TRIO: variants seen among roughly 807,000 people sequenced by gnomAD.
TRIO encodes triple functional domain protein.
In TRIO, 58 loss-of-function variants were observed where a neutral mutation model predicts 351.9. The observed-to-expected ratio is 0.16, with a 90% CI of 0.13 to 0.21. The LOEUF is 0.21. Ranked by LOEUF, TRIO falls within the 10% of genes least tolerant of loss-of-function variation. The pLI is 1.00. For missense variants in TRIO, 3,201 were observed against 4,027.8 expected, an observed-to-expected ratio of 0.79 and a Z score of 5.56; for synonymous variants, 1,758 against 1,595.7, an observed-to-expected ratio of 1.10 and a Z score of -2.42.
At chr5:14,386,961 C>T (rs964870507) in intron 21 of TRIO, among the ~76,000 whole-genome samples, 19 of 152,148 alleles carry the variant, frequency 1.2e-4, no homozygotes, top group African/African-American at 4.1e-4. Context: ...TGGGGACAGC[C>T]GTGGCCACAC....
At chr5:14,334,391 T>C (rs1235813644) in intron 10 of TRIO, among the ~76,000 whole-genome samples, 1 of 152,274 alleles carries the variant, frequency 6.6e-6, no homozygotes, top group East Asian at 1.9e-4. Flanking sequence ...AAAAGGGAAA[T>C]AAATGATGGC....
chr5:14,449,536 A>C (rs1165447065), intron 34 of TRIO, among the ~76,000 whole-genome samples: 1 of 152,244 alleles, frequency 6.6e-6, no homozygotes, highest in Admixed American at 6.5e-5. Context: ...GTCACAAGGC[A>C]GAACAGCTAT....
At chr5:14,489,014 C>T in intron 48 of TRIO, 1 of 765,266 alleles carries the variant, frequency 1.3e-6, no homozygotes, top group Non-Finnish European at 2.4e-6. Flanking sequence ...CTGTCCTACC[C>T]ACCTGTTTCC....
chr5:14,491,012 A>G (rs974795709), intron 48 of TRIO, among the ~76,000 whole-genome samples: 1 of 152,244 alleles, frequency 6.6e-6, no homozygotes, highest in Non-Finnish European at 1.5e-5. Context: ...GGGCACCCAC[A>G]GGGACAAGAA....
chr5:14,175,784 C>G lies in TRIO; in HGVS notation c.157+31902C>G, dbSNP rs532185080. ...ATACTATACATGCATTTAGTGAGAG[C>G]TCCGCAAAATCTGTGCGAGTCATGA... is the stretch of plus-strand genomic sequence containing the variant. On this transcript the variant is annotated intron_variant, in intron 1 of 56. Transcript: ENST00000344204. Among the ~76,000 whole-genome samples the G allele has an allele frequency of 8.5e-5, 13 of 152,306 alleles. No homozygotes were observed. In the East Asian group the frequency reaches 2.5e-3, roughly 29 times the overall value.
chr5:14,163,739 C>T (rs1174715414), intron 1 of TRIO, among the ~76,000 whole-genome samples: 1 of 152,164 alleles, frequency 6.6e-6, no homozygotes, highest in Non-Finnish European at 1.5e-5. Context: ...AATCATAATC[C>T]TGTGAGTGTA....
At chr5:14,314,816 A>T (rs1313461097) in intron 8 of TRIO, among the ~76,000 whole-genome samples, 1 of 152,186 alleles carries the variant, frequency 6.6e-6, no homozygotes, top group African/African-American at 2.4e-5. Context: ...ACAAATGAGA[A>T]GCCTGCTTGA....
chr5:14,387,510 G>T lies in TRIO; in HGVS notation c.3643G>T (p.Ala1215Ser), dbSNP rs1254270154. ...TTGTGAAAAAGGGCATGCCCATGCG[G>T]CAGAGATAAAAAAATGTGTTACTGC... ...GFCEKGHAHA[A>S]EIKKCVTAVD... The change falls in exon 22 of 57, where the codon GCA becomes TCA. Residue 1215 changes from alanine (A) to serine (S), a missense_variant. Coordinates refer to ENST00000344204, the MANE Select transcript of TRIO (RefSeq NM_007118.4). The T allele has an allele frequency of 2.5e-6, 4 of 1,614,106 alleles. No individual in the cohort carries two copies. The highest frequency in any genetic ancestry group is 2.7e-5 in the African/African-American group (2 of 74,934).
At chr5:14,504,836 T>TA (rs1210629025) in intron 55 of TRIO, among the ~76,000 whole-genome samples, 13 of 152,070 alleles carry the variant, frequency 8.5e-5, no homozygotes, top group African/African-American at 2.7e-4. Context: ...GAACACCTGA[T>TA]ATGCTCAGCC....
chr5:14,201,679 A>G (rs1319032103), intron 1 of TRIO, among the ~76,000 whole-genome samples: 1 of 152,204 alleles, frequency 6.6e-6, no homozygotes, highest in Non-Finnish European at 1.5e-5. Flanking sequence ...ACTTGGAAAT[A>G]TTAATGAATT....
At chr5:14,402,532 T>G (rs1172440144) in intron 31 of TRIO, among the ~76,000 whole-genome samples, 1 of 151,910 alleles carries the variant, frequency 6.6e-6, no homozygotes, top group Non-Finnish European at 1.5e-5. Context: ...AATGATGATG[T>G]AGGTGGAGGT....
intron 1 of TRIO, among the ~76,000 whole-genome samples, chr5:14,221,339 A>G (rs1050271092): frequency 1.3e-5 from 2 of 152,232 alleles, no homozygotes; most frequent in Non-Finnish European, 2.9e-5. Context: ...CTAACACAAC[A>G]TCCGTACTGC....
At chr5:14,483,693 A>C (rs1397530294) in intron 46 of TRIO, among the ~76,000 whole-genome samples, 1 of 152,096 alleles carries the variant, frequency 6.6e-6, no homozygotes, top group Non-Finnish European at 1.5e-5. Flanking sequence ...TCTGGAGCCA[A>C]ACAGCTGGAG....
intron 11 of TRIO, among the ~76,000 whole-genome samples, chr5:14,357,325 G>A (rs1272591857): frequency 1.3e-5 from 2 of 152,226 alleles, no homozygotes; most frequent in Admixed American, 6.5e-5. Flanking sequence ...GAGGCTGAAA[G>A]CATTTTCTCT....
At chr5:14,183,390 C>T (rs773406616) in intron 1 of TRIO, among the ~76,000 whole-genome samples, 5 of 151,910 alleles carry the variant, frequency 3.3e-5, no homozygotes, top group Admixed American at 6.6e-5. Context: ...TGTATGTTTA[C>T]ATAATGAAAA....
intron 2 of TRIO, among the ~76,000 whole-genome samples, chr5:14,273,655 C>G (rs1229407126): frequency 6.6e-6 from 1 of 152,218 alleles, no homozygotes; most frequent in East Asian, 1.9e-4. Flanking sequence ...ACGCAGCATT[C>G]CTCTTCTGCC....
intron 10 of TRIO, among the ~76,000 whole-genome samples, chr5:14,335,840 C>G (rs552399982): frequency 5.3e-5 from 8 of 152,198 alleles, no homozygotes; most frequent in African/African-American, 9.6e-5. Context: ...TAGCGCATGT[C>G]TGTGGTTCCA....
intron 33 of TRIO, among the ~76,000 whole-genome samples, chr5:14,417,203 C>T (rs1278554718): frequency 6.6e-6 from 1 of 152,190 alleles, no homozygotes; most frequent in Non-Finnish European, 1.5e-5. Flanking sequence ...AAAAATTTAA[C>T]ATGGGTTTTC....
At position 14,479,900 on chromosome 5, in the gene TRIO, C is replaced by T. The variant is rs763558790; in HGVS notation, c.6244-19C>T. 6.2e-7 allele frequency: 1 copy of T among 1,612,084 alleles called. No individual in the cohort carries two copies. The highest frequency in any genetic ancestry group is 1.3e-5 in the African/African-American group (1 of 74,900). On this transcript the variant is annotated intron_variant, in intron 42 of 56. Coordinates refer to ENST00000344204, the MANE Select transcript of TRIO (RefSeq NM_007118.4). ...TAATGAACAGCCCATACGATCTTTT[C>T]TCTCTCTTAAAACTGTAGGACTTAA...
Sources: allele counts gnomAD v4.1 joint callset (sites outside exome capture counted in the v4.1 genomes callset), GRCh38; gene constraint gnomAD v4.1.1; transcripts MANE v1.5; gene names NCBI Gene and HGNC (gene_info 2026-07-23, HGNC 2026-07-21).